RGS6: variants seen among roughly 807,000 people sequenced by gnomAD.
RGS6 encodes the protein regulator of G-protein signaling 6.
In RGS6, 30 loss-of-function variants were observed where a neutral mutation model predicts 78.5. That is an observed-to-expected ratio of 0.38 (90% CI 0.29 to 0.52). RGS6 has a LOEUF of 0.52. Among genes scored for constraint, RGS6 ranks in the 20% least tolerant of loss-of-function variants. The pLI, the probability that RGS6 is intolerant of heterozygous loss-of-function variation, is 0.85. For synonymous variants in RGS6, 206 were observed against 206.0 expected, an observed-to-expected ratio of 1.00 and a Z score of 0.00; for missense variants, 495 against 609.7, an observed-to-expected ratio of 0.81 and a Z score of 1.98.
chr14:71,923,343 A>G, the RGS6 span, among the ~76,000 whole-genome samples: 2 of 152,232 alleles, frequency 1.3e-5, no homozygotes, highest in Admixed American at 1.3e-4. Context: ...GTGCATAGGC[A>G]AAGTATGAAT....
chr14:72,607,233 A>T, the RGS6 span, among the ~76,000 whole-genome samples: 1 of 152,164 alleles, frequency 6.6e-6, no homozygotes, highest in African/African-American at 2.4e-5. Flanking sequence ...GGCCCCTATA[A>T]TAAAGTGCCA....
At chr14:72,122,013 G>C (rs2096064061) in intron 2 of RGS6, among the ~76,000 whole-genome samples, 1 of 152,124 alleles carries the variant, frequency 6.6e-6, no homozygotes, top group Non-Finnish European at 1.5e-5. Context: ...CAGTGTACAA[G>C]ACAGTTCCCC....
intron 1 of RGS6, among the ~76,000 whole-genome samples, chr14:71,957,011 CAG>C (rs1463350451): frequency 6.6e-6 from 1 of 152,078 alleles, no homozygotes; most frequent in Non-Finnish European, 1.5e-5. Context: ...GAAGGGTGGA[CAG>C]AGTGGAGGAT....
At chr14:72,524,190 TGG>T (rs963833362) in intron 15 of RGS6, among the ~76,000 whole-genome samples, 15 of 152,150 alleles carry the variant, frequency 9.9e-5, no homozygotes, top group Admixed American at 8.5e-4. Flanking sequence ...TGCCCTTAGA[TGG>T]GAAAAAATGC....
the RGS6 span, among the ~76,000 whole-genome samples, chr14:72,584,111 T>A: frequency 6.6e-6 from 1 of 152,278 alleles, no homozygotes; most frequent in Non-Finnish European, 1.5e-5. Context: ...AGCCAGAAAC[T>A]CAGAGACAGG....
In RGS6 at chr14:72,278,660, C is replaced by T. The variant is rs186088123; in HGVS notation, c.85-73435C>T. 7.2e-4 allele frequency among the ~76,000 whole-genome samples: 109 copies of T among 152,242 alleles called. 3 individuals carry two copies. In the East Asian group the frequency reaches 0.017, roughly 23 times the overall value. On this transcript the variant is annotated intron_variant, in intron 2 of 17. Transcript: ENST00000553525. The stretch of plus-strand genomic sequence containing the variant: ...ATAAATACGGAATTTGTTACAGGAA[C>T]GTGGCCTTACACAATCATGGGAGCT...
At chr14:72,205,912 C>G (rs1242385140) in intron 2 of RGS6, among the ~76,000 whole-genome samples, 1 of 152,162 alleles carries the variant, frequency 6.6e-6, no homozygotes, top group Non-Finnish European at 1.5e-5. Flanking sequence ...CTGTTTTCTG[C>G]TGGGAGTATA....
chr14:71,887,869 A>G, the RGS6 span, among the ~76,000 whole-genome samples: 1 of 151,964 alleles, frequency 6.6e-6, no homozygotes, highest in Non-Finnish European at 1.5e-5. Context: ...TTAGACCCTT[A>G]CTAGTAGTTC....
rs544318448 is a variant in RGS6, at chr14:72,554,706, A to G, written c.1423-7711A>G. Among the ~76,000 whole-genome samples the G allele has an allele frequency of 3.3e-5, 5 of 152,278 alleles. No individual in the cohort carries two copies. In the South Asian group the frequency reaches 1.0e-3, roughly 32 times the overall value. On this transcript the variant is annotated intron_variant, in intron 17 of 17. Transcript: ENST00000553525. The stretch of plus-strand genomic sequence containing the variant: ...CAAGAATTTCCTGCAAGCTGAGAGA[A>G]GAAAGAGCAACAGGGTTGTTCCGTC...
At chr14:72,612,587 C>A in the RGS6 span, 1 of 451,958 alleles carries the variant, frequency 2.2e-6, no homozygotes, top group African/African-American at 2.3e-5. Flanking sequence ...AGGGAGGAAA[C>A]AGTGCAGGGA....
chr14:72,050,077 A>T (rs2153407940), intron 2 of RGS6, among the ~76,000 whole-genome samples: 1 of 152,330 alleles, frequency 6.6e-6, no homozygotes, highest in African/African-American at 2.4e-5. Flanking sequence ...GAAAAAAGGC[A>T]ATTAGAAATT....
intron 2 of RGS6, among the ~76,000 whole-genome samples, chr14:72,242,772 G>A (rs1040424083): frequency 2.0e-5 from 3 of 148,588 alleles, no homozygotes; most frequent in African/African-American, 7.4e-5. Flanking sequence ...GTGAATAGTA[G>A]TTGTGATTTT....
chr14:72,273,954 G>A (rs1022145232), intron 2 of RGS6, among the ~76,000 whole-genome samples: 1 of 152,196 alleles, frequency 6.6e-6, no homozygotes, highest in Non-Finnish European at 1.5e-5. Context: ...CTGCTCAGGT[G>A]TGTAGAGTGA....
chr14:71,925,718 A>ATATTTATATTATATTATATTATAT, the RGS6 span, among the ~76,000 whole-genome samples: 2,629 of 147,874 alleles, frequency 0.018, 68 homozygotes, highest in African/African-American at 0.06. Context: ...ACTTCATATT[A>ATATTTATATTATATTATATTATAT]TATTATATTA....
chr14:72,611,209 G>T, the RGS6 span, among the ~76,000 whole-genome samples: 1 of 152,230 alleles, frequency 6.6e-6, no homozygotes, highest in Non-Finnish European at 1.5e-5. Context: ...TGAAAGCAAG[G>T]TTGGTGTGGC....
intron 3 of RGS6, among the ~76,000 whole-genome samples, chr14:72,429,853 T>G (rs1431740024): frequency 6.6e-6 from 1 of 152,112 alleles, no homozygotes; most frequent in African/African-American, 2.4e-5. Context: ...ATGGGAGCGG[T>G]TTCCTCCATG....
In RGS6 at chr14:72,234,758, A is replaced by T. The variant is rs565705071; in HGVS notation, c.85-117337A>T. Among the ~76,000 whole-genome samples the T allele has an allele frequency of 9.9e-5, 15 of 151,992 alleles. No homozygotes were observed. The East Asian group carries it at 2.9e-3, about 29-fold the overall frequency. On this transcript the variant is annotated intron_variant, in intron 2 of 17. Coordinates refer to ENST00000553525, the MANE Select transcript of RGS6 (RefSeq NM_001204424.2). ...GGGCTGATTCATCCTTTCTTTAGAC[A>T]TTTTCCTCATGGACCCTCAGTAAGT...
At chr14:71,981,970 G>A (rs1421478774) in intron 2 of RGS6, among the ~76,000 whole-genome samples, 2 of 152,098 alleles carry the variant, frequency 1.3e-5, no homozygotes, top group Admixed American at 6.5e-5. Context: ...CGAGCCAGGT[G>A]TGGGATATAA....
chr14:72,358,972 C>G (rs1397271190), intron 3 of RGS6, among the ~76,000 whole-genome samples: 1 of 152,138 alleles, frequency 6.6e-6, no homozygotes, highest in Non-Finnish European at 1.5e-5. Flanking sequence ...TTGGTTACCT[C>G]CATGCTTTCC....
Sources: gnomAD v4.1 joint callset for allele counts (sites outside exome capture counted in the v4.1 genomes callset) on GRCh38, gnomAD v4.1.1 for gene constraint, MANE v1.5 for transcripts, NCBI Gene and HGNC (gene_info 2026-07-23, HGNC 2026-07-21) for gene names.